Variants in ESCO2 observed in about 807,000 individuals in gnomAD.
ESCO2 encodes the protein establishment of sister chromatid cohesion N-acetyltransferase 2.
In ESCO2, 51 loss-of-function variants were observed where a neutral mutation model predicts 61.7. That is an observed-to-expected ratio of 0.83 (90% CI 0.66 to 1.04). ESCO2 has a LOEUF of 1.04. ESCO2 is among the 50% of genes least tolerant of loss of function. The probability of loss-of-function intolerance (pLI) is 0.00; values close to 1 mark genes in which losing one functional copy is unlikely to be tolerated. For missense variants in ESCO2, 692 were observed against 686.2 expected, an observed-to-expected ratio of 1.01 and a Z score of -0.09; for synonymous variants, 230 against 238.2, an observed-to-expected ratio of 0.97 and a Z score of 0.32.
chr8:27,783,632 G>A (rs1585396191), intron 4 of ESCO2, among the ~76,000 whole-genome samples: 1 of 152,004 alleles, frequency 6.6e-6, no homozygotes, highest in African/African-American at 2.4e-5. Context: ...CAGAGACACA[G>A]TCTCACTAAG....
downstream of ESCO2, among the ~76,000 whole-genome samples, chr8:27,815,548 C>A (rs1433030542): frequency 6.6e-5 from 10 of 152,146 alleles, no homozygotes; most frequent in Admixed American, 5.9e-4. Context: ...ATAGACATGG[C>A]CCACATGGGC....
In ESCO2 at chr8:27,776,346, T is replaced by G. The variant is rs1804788218; in HGVS notation, c.54-16T>G. On this transcript the variant is annotated splice_polypyrimidine_tract_variant and intron_variant, in intron 2 of 10. Coordinates refer to ENST00000305188, the MANE Select transcript of ESCO2 (RefSeq NM_001017420.3). ...CGCAAAATAATCTTATCAATGGACT[T>G]TGTTTCTTTTTATAGCCTTTTACAC... 1 of 1,589,474 alleles carries G rather than the reference T, an allele frequency of 6.3e-7. No homozygotes were observed. The highest frequency in any genetic ancestry group is 1.1e-5 in the South Asian group (1 of 87,742).
rs1251792184 is a variant in ESCO2 at position 27,799,524 on chromosome 8, T to C, written c.1498-17T>C. 6.2e-7 allele frequency: 1 copy of C among 1,613,858 alleles called. No individual in the cohort carries two copies. Among genetic ancestry groups the C allele is most frequent in the African/African-American group, 1.3e-5 (1 of 75,026 alleles). The stretch of plus-strand genomic sequence containing the variant: ...ATCTGTGGTGTTAGCTATAGATGCT[T>C]CTGTATATCATTGCAGGCATTTCGT... On this transcript the variant is annotated splice_polypyrimidine_tract_variant and intron_variant, in intron 9 of 10. Transcript: ENST00000305188.
upstream of ESCO2, among the ~76,000 whole-genome samples, chr8:27,773,280 C>G (rs1804696183): frequency 1.3e-5 from 2 of 152,210 alleles, no homozygotes; most frequent in South Asian, 4.1e-4. Context: ...ACACAAGACA[C>G]TATGACATGA....
At chr8:27,788,796 G>A in intron 6 of ESCO2, 51 bp from the exon 7 acceptor site, 1 of 1,610,188 alleles carries the variant, frequency 6.2e-7, no homozygotes, top group Non-Finnish European at 8.5e-7. Flanking sequence ...TTAATTTAGA[G>A]CTATTTGTGC....
At position 27,803,576 on chromosome 8, in the gene ESCO2, A is replaced by G; in HGVS notation, c.*138A>G. 6.9e-7 allele frequency: 1 copy of G among 1,451,690 alleles called. No individual in the cohort carries two copies. Among genetic ancestry groups the G allele is most frequent in the Non-Finnish European group, 9.0e-7 (1 of 1,110,838 alleles). The allele number at this position is 1,451,690 out of a possible 1,614,324, so 89.9% of individuals were successfully genotyped here. ...CACACACACACACACACGCACACAC[A>G]CATATCACAGTTTTGTTCCTTATGA... is the stretch of plus-strand genomic sequence containing the variant. On this transcript the variant is annotated 3_prime_UTR_variant, in exon 11 of 11. Transcript: ENST00000305188.
intron 10 of ESCO2, among the ~76,000 whole-genome samples, chr8:27,802,282 C>CT (rs1053228207): frequency 6.6e-6 from 1 of 151,304 alleles, no homozygotes; most frequent in African/African-American, 2.4e-5. Flanking sequence ...TCTTAAAGCT[C>CT]TCAGTGGATG....
At chr8:27,811,178 C>T (rs757783716), downstream of ESCO2, 18 of 1,596,176 alleles carry the variant, frequency 1.1e-5, no homozygotes, top group African/African-American at 2.7e-5. Flanking sequence ...CTACAAATCA[C>T]GAAAAGGCAA....
Position 27,804,507 on chromosome 8 carries a change from T to C in ESCO2, c.*1069T>C. On this transcript the variant is annotated 3_prime_UTR_variant, in exon 11 of 11. Coordinates refer to ENST00000305188, the MANE Select transcript of ESCO2 (RefSeq NM_001017420.3). ...GCTGGTGGATGAGAGACCATGGAACTGTGTAAATACACTTAAATGTTCACA... is the reference window on the plus strand; with the variant it reads ...GCTGGTGGATGAGAGACCATGGAACCGTGTAAATACACTTAAATGTTCACA... 1.0e-6 allele frequency: 1 copy of C among 985,456 alleles called. No individual in the cohort carries two copies. Among genetic ancestry groups the C allele is most frequent in the Non-Finnish European group, 1.2e-6 (1 of 829,922 alleles). The allele number at this position is 985,456 out of a possible 1,614,324, so 61.0% of individuals were successfully genotyped here.
At chr8:27,783,608 T>C (rs1478948061) in intron 4 of ESCO2, among the ~76,000 whole-genome samples, 12 of 152,002 alleles carry the variant, frequency 7.9e-5, no homozygotes, top group Non-Finnish European at 1.5e-5. Context: ...TTTCCTTTAT[T>C]ATTAATTTTT....
At chr8:27,808,272 C>T (rs1372585766), downstream of ESCO2, 4 of 1,155,338 alleles carry the variant, frequency 3.5e-6, no homozygotes, top group Non-Finnish European at 4.5e-6. Context: ...TGATTATCTC[C>T]TTTTATGGAG....
rs1804739404 is a variant in ESCO2, at chr8:27,774,589, G to C, written c.-35G>C. The C allele has an allele frequency of 6.6e-6, 1 of 152,286 alleles. No individual in the cohort carries two copies. Among genetic ancestry groups the C allele is most frequent in the Admixed American group, 6.5e-5 (1 of 15,292 alleles). 9.4% of individuals were successfully genotyped at this position (152,286 alleles called of 1,614,324 possible). ...CGGCTGGCTAGGCTGAGGAGAGCTC[G>C]CCGGGCTCTGAGGCGCAGGTAACCT... On this transcript the variant is annotated 5_prime_UTR_variant, in exon 1 of 11. Transcript: ENST00000305188.
At chr8:27,775,434 G>A (rs563281582) in intron 1 of ESCO2, 65 bp from the exon 2 acceptor site, 3 of 1,329,546 alleles carry the variant, frequency 2.3e-6, no homozygotes, top group East Asian at 2.3e-5. Context: ...TAATTAAAGG[G>A]GGTATAATTT....
chr8:27,813,741 G>A (rs565202878), downstream of ESCO2, among the ~76,000 whole-genome samples: 21 of 152,088 alleles, frequency 1.4e-4, no homozygotes, highest in Admixed American at 4.6e-4. Flanking sequence ...GTGACCTAAC[G>A]TACAGCATAG....
At position 27,804,059 on chromosome 8, in the gene ESCO2, C is replaced by T; in HGVS notation, c.*621C>T. 1.0e-6 allele frequency: 1 copy of T among 985,462 alleles called. No individual in the cohort carries two copies. Among genetic ancestry groups the T allele is most frequent in the South Asian group, 4.7e-5 (1 of 21,286 alleles). 61.0% of individuals were successfully genotyped at this position (985,462 alleles called of 1,614,324 possible). On this transcript the variant is annotated 3_prime_UTR_variant, in exon 11 of 11. Coordinates refer to ENST00000305188, the MANE Select transcript of ESCO2 (RefSeq NM_001017420.3). ...CTGACTTCTCTATACAGAGTCTTCA[C>T]TTGATAGGCACTCGTCTGTAGTAAC...
At chr8:27,786,258 C>G (rs759708302) in intron 5 of ESCO2, among the ~76,000 whole-genome samples, 1 of 152,130 alleles carries the variant, frequency 6.6e-6, no homozygotes, top group Non-Finnish European at 1.5e-5. Context: ...AAGAAGGGGT[C>G]GGGAGCTCCT....
intron 9 of ESCO2, among the ~76,000 whole-genome samples, chr8:27,796,276 A>C (rs1274345472): frequency 6.6e-6 from 1 of 152,018 alleles, no homozygotes; most frequent in Non-Finnish European, 1.5e-5. Context: ...AATCAGTTGT[A>C]ATGTCTCCTC....
chr8:27,801,969 ATTTTTT>A (rs34539100), intron 10 of ESCO2, among the ~76,000 whole-genome samples: 3 of 83,780 alleles, frequency 3.6e-5, no homozygotes, highest in Admixed American at 1.7e-4. Flanking sequence ...CCTTCATGGC[ATTTTTT>A]TTTTTTTTTT....
At chr8:27,789,781 CAAAAA>C (rs905844657) in intron 7 of ESCO2, among the ~76,000 whole-genome samples, 5 of 56,546 alleles carry the variant, frequency 8.8e-5, no homozygotes, top group African/African-American at 1.7e-4. Context: ...AACTCCATCT[CAAAAA>C]AAAAAAAAAA....
Sources: allele counts gnomAD v4.1 joint callset (sites outside exome capture counted in the v4.1 genomes callset), GRCh38; gene constraint gnomAD v4.1.1; transcripts MANE v1.5; gene names NCBI Gene and HGNC (gene_info 2026-07-23, HGNC 2026-07-21).